SNX24: variants seen among roughly 807,000 people sequenced by gnomAD.
The protein encoded by SNX24 is sorting nexin-24.
In SNX24, 22 loss-of-function variants were observed where a neutral mutation model predicts 28.7. The ratio of observed to expected loss-of-function variants is 0.77; its 90% CI spans 0.55 to 1.10. SNX24 has a LOEUF of 1.10. Ranked by LOEUF, SNX24 falls within the 50% of genes least tolerant of loss-of-function variation. The pLI, the probability that SNX24 is intolerant of heterozygous loss-of-function variation, is 0.00. For missense variants in SNX24, 221 were observed against 201.1 expected, an observed-to-expected ratio of 1.10 and a Z score of -0.60; for synonymous variants, 69 against 71.5, an observed-to-expected ratio of 0.96 and a Z score of 0.18.
intron 1 of SNX24, among the ~76,000 whole-genome samples, chr5:122,906,647 TA>T (rs1478522125): frequency 6.6e-6 from 1 of 152,208 alleles, no homozygotes; most frequent in Non-Finnish European, 1.5e-5. Flanking sequence ...TAGCTAGGGT[TA>T]CAGGCACATA....
chr5:123,001,027 C>T (rs1022795243), intron 4 of SNX24, among the ~76,000 whole-genome samples: 1 of 152,222 alleles, frequency 6.6e-6, no homozygotes, highest in Admixed American at 6.5e-5. Context: ...TTGGCAAATA[C>T]TGTGTTGTCA....
At chr5:122,932,878 A>G (rs1759020826) in intron 1 of SNX24, among the ~76,000 whole-genome samples, 1 of 151,138 alleles carries the variant, frequency 6.6e-6, no homozygotes, top group Admixed American at 6.6e-5. Context: ...AAAAAAAAAA[A>G]AAAAAATTCT....
chr5:122,871,451 G>C (rs1755975473), intron 1 of SNX24, among the ~76,000 whole-genome samples: 1 of 152,130 alleles, frequency 6.6e-6, no homozygotes, highest in Non-Finnish European at 1.5e-5. Flanking sequence ...TCTAGGAGTG[G>C]CTTATAAACA....
chr5:122,911,199 T>C (rs1484348585), intron 1 of SNX24, among the ~76,000 whole-genome samples: 2 of 152,250 alleles, frequency 1.3e-5, no homozygotes, highest in Non-Finnish European at 2.9e-5. Flanking sequence ...TGGTTTTGAT[T>C]TGCATTTCTC....
At chr5:123,000,147 C>G (rs1762196535) in intron 4 of SNX24, 141 bp downstream of exon 4, 1 of 643,212 alleles carries the variant, frequency 1.6e-6, no homozygotes, top group African/African-American at 1.8e-5. Context: ...ACTCGCTCGC[C>G]CCCTGCTTTT....
chr5:123,001,450 C>T lies in SNX24; in HGVS notation c.377+13C>T. 1 of 1,572,526 alleles carries T rather than the reference C, an allele frequency of 6.4e-7. No homozygotes were observed. The highest frequency in any genetic ancestry group is 1.3e-5 in the African/African-American group (1 of 74,078). ...CTGAAGAGTCAAGGTAAGGACTAATCCTCATCAGCCAGGAATAGGATTATG... is the reference window on the plus strand; with the variant it reads ...CTGAAGAGTCAAGGTAAGGACTAATTCTCATCAGCCAGGAATAGGATTATG... On this transcript the variant is annotated intron_variant, in intron 5 of 6. Transcript: ENST00000261369.
intron 3 of SNX24, among the ~76,000 whole-genome samples, chr5:122,997,009 G>T (rs1762073947): frequency 6.6e-6 from 1 of 152,204 alleles, no homozygotes; most frequent in East Asian, 1.9e-4. Context: ...AAATGGAACA[G>T]TTGTGAGGTC....
intron 1 of SNX24, among the ~76,000 whole-genome samples, chr5:122,912,386 T>C (rs1757930044): frequency 6.6e-6 from 1 of 151,704 alleles, no homozygotes; most frequent in South Asian, 2.1e-4. Context: ...ACAATGGGGT[T>C]TTCTAGATAT....
intron 1 of SNX24, among the ~76,000 whole-genome samples, chr5:122,892,457 A>G (rs1420141638): frequency 1.3e-5 from 2 of 151,590 alleles, no homozygotes; most frequent in Admixed American, 1.3e-4. Context: ...TTATTTATTT[A>G]CTTTTTTTTA....
At chr5:122,925,054 C>T (rs1365822242) in intron 1 of SNX24, among the ~76,000 whole-genome samples, 1 of 140,772 alleles carries the variant, frequency 7.1e-6, no homozygotes, top group Non-Finnish European at 1.5e-5. Context: ...TACCCATCCT[C>T]CTCCCTCCCC....
chr5:122,892,482 C>T (rs554515269), intron 1 of SNX24, among the ~76,000 whole-genome samples: 70 of 151,774 alleles, frequency 4.6e-4, no homozygotes, highest in African/African-American at 1.5e-3. Context: ...GACAGAGTCT[C>T]GCTTTGGAGT....
Position 122,997,365 on chromosome 5 carries a change from G to T in SNX24, c.250-2547G>T, listed in dbSNP as rs28496725. ...TGAAAATTTAGCAAAGTAAATTCAT[G>T]CAAATTTCTGGAGTTTTCTGTAGTG... On this transcript the variant is annotated intron_variant, in intron 3 of 6. Coordinates refer to ENST00000261369, the MANE Select transcript of SNX24 (RefSeq NM_014035.4). Among the ~76,000 whole-genome samples, 576 of 152,298 alleles carry T rather than the reference G, an allele frequency of 3.8e-3. 1 individual carries two copies. The highest frequency in any genetic ancestry group is 0.013 in the African/African-American group (541 of 41,556).
intron 5 of SNX24, among the ~76,000 whole-genome samples, chr5:123,024,303 T>C (rs930048738): frequency 1.3e-5 from 2 of 152,220 alleles, no homozygotes; most frequent in African/African-American, 4.8e-5. Flanking sequence ...AAAGTAGATA[T>C]TTTTGTAAAC....
At chr5:122,987,029 T>C (rs1761633043) in intron 3 of SNX24, among the ~76,000 whole-genome samples, 1 of 152,138 alleles carries the variant, frequency 6.6e-6, no homozygotes, top group Non-Finnish European at 1.5e-5. Context: ...TTTTCTCCGC[T>C]ATAGCAGGAG....
intron 3 of SNX24, among the ~76,000 whole-genome samples, chr5:122,996,121 C>T (rs527829281): frequency 3.3e-5 from 5 of 152,316 alleles, no homozygotes; most frequent in African/African-American, 1.2e-4. Context: ...GAATCCTTTA[C>T]CACAGTAGCC....
At position 122,936,359 on chromosome 5, in the gene SNX24, AG is replaced by A. The variant is rs1477625011; in HGVS notation, c.61-374del. On this transcript the variant is annotated intron_variant, in intron 1 of 6. Transcript: ENST00000261369. The stretch of plus-strand genomic sequence containing the variant: ...CCCATAATGGAATACCACATGCCTG[AG>A]CTTTTTACCAGAGTATTCCTCTTGT... 3.3e-5 allele frequency among the ~76,000 whole-genome samples: 5 copies of A among 152,162 alleles called. No individual in the cohort carries two copies. In the East Asian group the frequency reaches 9.6e-4, roughly 29 times the overall value.
At chr5:123,001,809 C>G in intron 5 of SNX24, 131 bp from the exon 6 acceptor site, 1 of 739,284 alleles carries the variant, frequency 1.4e-6, no homozygotes, top group South Asian at 1.6e-5. Context: ...TGCTATTATT[C>G]ACCCACACTG....
chr5:122,914,955 T>A (rs1221583469), intron 1 of SNX24, among the ~76,000 whole-genome samples: 2 of 152,156 alleles, frequency 1.3e-5, no homozygotes. Context: ...CACTTTTCCT[T>A]AGGTCCAGTT....
chr5:123,014,702 C>T (rs1249053612), intron 5 of SNX24, among the ~76,000 whole-genome samples: 2 of 152,034 alleles, frequency 1.3e-5, no homozygotes, highest in East Asian at 3.9e-4. Flanking sequence ...CAGATCATAT[C>T]ACTCTCTTGC....
Sources: allele counts gnomAD v4.1 joint callset (sites outside exome capture counted in the v4.1 genomes callset), GRCh38; gene constraint gnomAD v4.1.1; transcripts MANE v1.5; gene names NCBI Gene and HGNC (gene_info 2026-07-23, HGNC 2026-07-21).